Variants in DIS3L2 observed in about 807,000 individuals in gnomAD.
DIS3L2 encodes DIS3 like 3'-5' exoribonuclease 2.
In DIS3L2, 34 loss-of-function variants were observed where a neutral mutation model predicts 97.5. The ratio of observed to expected loss-of-function variants is 0.35; its 90% CI spans 0.27 to 0.46. The LOEUF (loss-of-function observed/expected upper bound fraction) is 0.46. Among genes scored for constraint, DIS3L2 ranks in the 20% least tolerant of loss-of-function variants. DIS3L2 has a pLI of 1.00. For missense variants in DIS3L2, 1,038 were observed against 1,146.0 expected, an observed-to-expected ratio of 0.91 and a Z score of 1.36; for synonymous variants, 435 against 445.2, an observed-to-expected ratio of 0.98 and a Z score of 0.29.
intron 9 of DIS3L2, among the ~76,000 whole-genome samples, chr2:232,188,442 A>AT (rs1691508528): frequency 6.6e-6 from 1 of 152,222 alleles, no homozygotes; most frequent in African/African-American, 2.4e-5. Context: ...TGCCTGACTG[A>AT]TTTTTAACAG....
intron 14 of DIS3L2, among the ~76,000 whole-genome samples, chr2:232,321,484 G>A (rs1028200283): frequency 2.6e-5 from 4 of 152,134 alleles, no homozygotes; most frequent in African/African-American, 2.4e-5. Flanking sequence ...GGGGCCTTCC[G>A]CATCCCACTG....
intron 9 of DIS3L2, among the ~76,000 whole-genome samples, chr2:232,209,384 A>G (rs1692125123): frequency 6.6e-6 from 1 of 152,176 alleles, no homozygotes; most frequent in South Asian, 2.1e-4. Context: ...AGAAGTCTTT[A>G]AGAACAAAGC....
chr2:231,997,586 G>T (rs1416717429), intron 1 of DIS3L2, among the ~76,000 whole-genome samples: 1 of 152,174 alleles, frequency 6.6e-6, no homozygotes, highest in Non-Finnish European at 1.5e-5. Flanking sequence ...CAGTTGTTGG[G>T]AATATTCTTT....
chr2:232,208,384 C>T lies in DIS3L2; in HGVS notation c.1125-1942C>T, dbSNP rs558344282. Among the ~76,000 whole-genome samples the T allele has an allele frequency of 5.3e-5, 8 of 152,076 alleles. No homozygotes were observed. In the East Asian group the frequency reaches 7.8e-4, roughly 15 times the overall value. ...GGAATGCAGTGGCACAATCTTGGCT[C>T]GCTGCAACCGCCACCTCCCGGGTTC... On this transcript the variant is annotated intron_variant, in intron 9 of 20. Coordinates refer to ENST00000325385, the MANE Select transcript of DIS3L2 (RefSeq NM_152383.5).
At chr2:231,995,130 T>C (rs1693695664) in intron 1 of DIS3L2, among the ~76,000 whole-genome samples, 1 of 152,208 alleles carries the variant, frequency 6.6e-6, no homozygotes, top group Non-Finnish European at 1.5e-5. Flanking sequence ...TGTAGTTGTC[T>C]TTTTTTAAGA....
At chr2:231,980,132 TG>T (rs1693210376) in intron 1 of DIS3L2, among the ~76,000 whole-genome samples, 1 of 152,218 alleles carries the variant, frequency 6.6e-6, no homozygotes, top group Admixed American at 6.5e-5. Flanking sequence ...GTTACTCTTT[TG>T]CAAACATTTC....
At position 232,029,989 on chromosome 2, in the gene DIS3L2, G is replaced by T. The variant is rs1024112188; in HGVS notation, c.275G>T (p.Arg92Leu). Residue 92 changes from arginine to leucine, a missense_variant, in exon 5 of 21, where the codon CGA becomes CTA. Transcript: ENST00000325385. ...EAFIPSPDGD[R>L]DIFIDGVVAR... is the part of the protein sequence containing the mutation. ...CTTTTTCCAACCTAGGATGGTGATC[G>T]AGACATTTTTATTGATGGGGTTGTT... The T allele has an allele frequency of 2.5e-6, 4 of 1,599,800 alleles. No individual in the cohort carries two copies. The African/African-American group carries it at 5.4e-5, about 22-fold the overall frequency.
chr2:232,041,940 T>C (rs1695120489), intron 5 of DIS3L2, among the ~76,000 whole-genome samples: 1 of 152,218 alleles, frequency 6.6e-6, no homozygotes, highest in Non-Finnish European at 1.5e-5. Context: ...GTCAAGTACT[T>C]TGTTAGCAAG....
intron 8 of DIS3L2, among the ~76,000 whole-genome samples, chr2:232,155,110 C>T (rs1020691988): frequency 7.3e-5 from 11 of 150,682 alleles, no homozygotes; most frequent in Non-Finnish European, 1.5e-4. Context: ...TCTGGCACTC[C>T]CTAGTGAGAT....
At chr2:232,241,827 G>A (rs1336854219) in intron 11 of DIS3L2, among the ~76,000 whole-genome samples, 1 of 152,172 alleles carries the variant, frequency 6.6e-6, no homozygotes, top group African/African-American at 2.4e-5. Flanking sequence ...AGCAAATTAA[G>A]CTTTAAAAGT....
rs2106264898 is a variant in DIS3L2 at position 232,249,328 on chromosome 2, A to G, written c.1407A>G (p.Thr469=). The G allele has an allele frequency of 6.2e-7, 1 of 1,614,136 alleles. No individual in the cohort carries two copies. The highest frequency in any genetic ancestry group is 8.5e-7 in the Non-Finnish European group (1 of 1,179,964). The change falls in exon 12 of 21, where the codon ACA becomes ACG. Residue 469 remains threonine (T), a synonymous_variant. Coordinates refer to ENST00000325385, the MANE Select transcript of DIS3L2 (RefSeq NM_152383.5). ...SDKLTFSVIW[T]LTPEGKILDE... ...AGCTGACCTTCTCTGTGATCTGGAC[A>G]CTGACTCCAGAGGGCAAGGTAACAA...
chr2:232,256,407 G>T (rs1007446998), intron 12 of DIS3L2, among the ~76,000 whole-genome samples: 1 of 152,180 alleles, frequency 6.6e-6, no homozygotes, highest in African/African-American at 2.4e-5. Context: ...TCAAGCCTCT[G>T]CCCCTTCCTT....
At chr2:232,296,558 T>C (rs533480227) in intron 13 of DIS3L2, among the ~76,000 whole-genome samples, 1 of 152,322 alleles carries the variant, frequency 6.6e-6, no homozygotes, top group East Asian at 1.9e-4. Context: ...TTCCCTGTGC[T>C]GTTCTCGTGG....
intron 14 of DIS3L2, among the ~76,000 whole-genome samples, chr2:232,312,264 A>G (rs746303016): frequency 6.6e-6 from 1 of 152,206 alleles, no homozygotes; most frequent in Non-Finnish European, 1.5e-5. Context: ...ATCTTTGTCT[A>G]TATTCTAAAA....
chr2:232,126,536 C>A (rs1053532611), intron 6 of DIS3L2, among the ~76,000 whole-genome samples: 1 of 152,190 alleles, frequency 6.6e-6, no homozygotes, highest in Non-Finnish European at 1.5e-5. Flanking sequence ...TTCCAGCCCG[C>A]AGGATTGAGA....
chr2:232,314,015 C>T (rs1460926099), intron 14 of DIS3L2, among the ~76,000 whole-genome samples: 1 of 152,216 alleles, frequency 6.6e-6, no homozygotes, highest in Non-Finnish European at 1.5e-5. Flanking sequence ...ATGGGAGCTA[C>T]AAGATGAGAT....
At chr2:232,258,395 C>G (rs936076232) in intron 12 of DIS3L2, among the ~76,000 whole-genome samples, 18 of 151,926 alleles carry the variant, frequency 1.2e-4, no homozygotes, top group Admixed American at 1.0e-3. Context: ...CCATCCTGGC[C>G]AACATGGTGA....
In DIS3L2 at chr2:232,203,277, G is replaced by A. The variant is rs543931861; in HGVS notation, c.1125-7049G>A. 2.9e-4 allele frequency among the ~76,000 whole-genome samples: 44 copies of A among 152,158 alleles called. 1 individual carries two copies. The South Asian group carries it at 5.6e-3, about 19-fold the overall frequency. ...CCTCCCCAGAATTGCTTGCTAGCAC[G>A]GAGACAGACCCAGAGTCACGGACAG... On this transcript the variant is annotated intron_variant, in intron 9 of 20. Transcript: ENST00000325385.
chr2:232,155,176 G>T, intron 8 of DIS3L2, among the ~76,000 whole-genome samples: 1 of 151,324 alleles, frequency 6.6e-6, no homozygotes, highest in Non-Finnish European at 1.5e-5. Flanking sequence ...CGTCGCTCAC[G>T]CTGGGAGCTG....
Sources: allele counts gnomAD v4.1 joint callset (sites outside exome capture counted in the v4.1 genomes callset), GRCh38; gene constraint gnomAD v4.1.1; transcripts MANE v1.5; gene names NCBI Gene and HGNC (gene_info 2026-07-23, HGNC 2026-07-21).